Variants in FYB1 observed in about 807,000 individuals in gnomAD.
FYB1 encodes the protein FYN binding protein 1, also known as FYN-binding protein 1.
Under a neutral mutation model 94.1 loss-of-function variants are expected in FYB1, and 41 were observed. The observed-to-expected ratio is 0.44, with a 90% CI of 0.34 to 0.57. FYB1 has a LOEUF of 0.57. Ranked by LOEUF, FYB1 falls within the 20% of genes least tolerant of loss-of-function variation. The pLI is 0.02. For missense variants in FYB1, 1,050 were observed against 976.8 expected, an observed-to-expected ratio of 1.07 and a Z score of -1.00; for synonymous variants, 367 against 353.2, an observed-to-expected ratio of 1.04 and a Z score of -0.44.
In FYB1 at chr5:39,202,894, C is replaced by T. The variant is rs1748496511; in HGVS notation, c.67G>A (p.Val23Ile). Reference sequence around the variant, plus strand: ...CCTGAAGATGAGTTTGGCCCTGTGACTCTGAAGGGTCGGCTATTGACTGAG... The same window carrying T: ...CCTGAAGATGAGTTTGGCCCTGTGATTCTGAAGGGTCGGCTATTGACTGAG... Reference protein sequence around the residue: ...DVSVNSRPFRVTGPNSSSGIQ... With the variant: ...DVSVNSRPFRITGPNSSSGIQ... The change falls in exon 2 of 19, where the codon GTC (valine) becomes ATC (isoleucine). Residue 23 changes from valine to isoleucine, a missense_variant. Physicochemically the swap from Val to Ile is conservative, Grantham distance 29. Coordinates refer to ENST00000512982, the MANE Select transcript of FYB1 (RefSeq NM_001465.6). 1.2e-6 allele frequency: 2 copies of T among 1,613,982 alleles called. No homozygotes were observed. Among genetic ancestry groups the T allele is most frequent in the Non-Finnish European group, 1.7e-6 (2 of 1,179,884 alleles).
chr5:39,105,917 C>T lies in FYB1; in HGVS notation c.*1526G>A, dbSNP rs1760349946. 6.6e-6 allele frequency: 1 copy of T among 152,062 alleles called. No homozygotes were observed. Among genetic ancestry groups the T allele is most frequent in the Non-Finnish European group, 1.5e-5 (1 of 68,010 alleles). 9.4% of individuals were successfully genotyped at this position (152,062 alleles called of 1,614,324 possible). ...CCAGTGGAAGTTGATGATTTGTTAT[C>T]AAATTTCAAAGCACCTAATGGAAAC... is the stretch of plus-strand genomic sequence containing the variant. On this transcript the variant is annotated 3_prime_UTR_variant, in exon 19 of 19. Coordinates refer to ENST00000512982, the MANE Select transcript of FYB1 (RefSeq NM_001465.6).
chr5:39,137,945 C>G (rs1039246776), intron 6 of FYB1: 2 of 525,414 alleles, frequency 3.8e-6, no homozygotes, highest in African/African-American at 3.9e-5. Flanking sequence ...TCCCTGACAA[C>G]TTGTGCCAGC....
chr5:39,139,461 A>T (rs1307543553), intron 4 of FYB1: 2 of 359,908 alleles, frequency 5.6e-6, no homozygotes, highest in Non-Finnish European at 9.6e-6. Flanking sequence ...TTATAAAATC[A>T]TTTCATTGGC....
intron 1 of FYB1, among the ~76,000 whole-genome samples, chr5:39,226,071 G>A (rs1323178920): frequency 6.6e-6 from 1 of 152,104 alleles, no homozygotes; most frequent in Non-Finnish European, 1.5e-5. Flanking sequence ...CCACATAAGA[G>A]ACATTTTCCC....
At chr5:39,260,529 C>T (rs560212465) in intron 1 of FYB1, among the ~76,000 whole-genome samples, 18 of 152,128 alleles carry the variant, frequency 1.2e-4, no homozygotes, top group African/African-American at 4.3e-4. Context: ...ATAGTAAAAG[C>T]TCAGAACATA....
chr5:39,144,270 T>C (rs1035419427), intron 3 of FYB1, among the ~76,000 whole-genome samples: 2 of 152,124 alleles, frequency 1.3e-5, no homozygotes, highest in African/African-American at 2.4e-5. Context: ...ACATTATTAG[T>C]TCCCGATAAA....
At chr5:39,243,392 T>C (rs1398441999) in intron 1 of FYB1, among the ~76,000 whole-genome samples, 1 of 151,590 alleles carries the variant, frequency 6.6e-6, no homozygotes, top group Non-Finnish European at 1.5e-5. Context: ...ATTTATTAAA[T>C]AGGGAATGCT....
chr5:39,248,939 C>T lies in FYB1; in HGVS notation c.-28+25464G>A, dbSNP rs142577341. On this transcript the variant is annotated intron_variant, in intron 1 of 1. Transcript: ENST00000510188. ...ACTGTCCAATGTGGTAGCCATTAGC[C>T]ACATGTAGCTATTTAAGTTTAAATT... Among the ~76,000 whole-genome samples the T allele has an allele frequency of 7.3e-3, 1,112 of 152,272 alleles. 10 individuals are homozygous for T. The highest frequency in any genetic ancestry group is 0.012 in the Non-Finnish European group (805 of 68,014).
At chr5:39,255,720 A>C (rs995004424) in intron 1 of FYB1, among the ~76,000 whole-genome samples, 34 of 152,200 alleles carry the variant, frequency 2.2e-4, no homozygotes, top group African/African-American at 7.7e-4. Flanking sequence ...AAGGGAAACT[A>C]TCTGAACTGC....
intron 2 of FYB1, among the ~76,000 whole-genome samples, chr5:39,178,380 C>T (rs777526499): frequency 6.6e-6 from 1 of 152,126 alleles, no homozygotes; most frequent in Non-Finnish European, 1.5e-5. Flanking sequence ...GTACTGTATG[C>T]CCTACAGTTT....
rs1731154063 is a variant in FYB1, at chr5:39,107,285, C to CAAACTTTA, written c.*150_*157dup. ...AAGCAGAGAGATTATTTTCTATGTT[C>CAAACTTTA]AAACTTTAAACACTTTGTAAAGATA... On this transcript the variant is annotated 3_prime_UTR_variant, in exon 19 of 19. Coordinates refer to ENST00000512982, the MANE Select transcript of FYB1 (RefSeq NM_001465.6). 1 of 444,288 alleles carries CAAACTTTA rather than the reference C, an allele frequency of 2.3e-6. No homozygotes were observed. Among genetic ancestry groups the CAAACTTTA allele is most frequent in the Admixed American group, 4.3e-5 (1 of 23,206 alleles). 27.5% of individuals were successfully genotyped at this position (444,288 alleles called of 1,614,324 possible).
chr5:39,137,856 C>T (rs1345478097), intron 6 of FYB1, 136 bp from the exon 7 acceptor site: 1 of 1,123,896 alleles, frequency 8.9e-7, no homozygotes, highest in African/African-American at 1.6e-5. Context: ...GAAAGGTTGT[C>T]AAAATCCGGA....
At chr5:39,170,723 G>T (rs757223610) in intron 2 of FYB1, among the ~76,000 whole-genome samples, 1 of 152,094 alleles carries the variant, frequency 6.6e-6, no homozygotes, top group Non-Finnish European at 1.5e-5. Flanking sequence ...TCTTCATTAT[G>T]GCTCCAATTT....
chr5:39,222,424 T>C (rs1750307865), upstream of FYB1, among the ~76,000 whole-genome samples: 1 of 152,222 alleles, frequency 6.6e-6, no homozygotes, highest in Non-Finnish European at 1.5e-5. Flanking sequence ...GGACTCTTGC[T>C]CTTTTTTAAT....
rs182210024 is a variant in FYB1, at chr5:39,230,903, A to G, written c.-27-27916T>C. Among the ~76,000 whole-genome samples, 79 of 151,968 alleles carry G rather than the reference A, an allele frequency of 5.2e-4. 1 individual carries two copies. Among genetic ancestry groups the G allele is most frequent in the Middle Eastern group, 3.4e-3 (1 of 294 alleles). On this transcript the variant is annotated intron_variant, in intron 1 of 1. Coordinates refer to the FYB1 transcript ENST00000510188. ...CATATATATACACATACATGTATATATATTAGTAGAGTGAATGGAATGACT... is the reference window on the plus strand; with the variant it reads ...CATATATATACACATACATGTATATGTATTAGTAGAGTGAATGGAATGACT...
intron 1 of FYB1, among the ~76,000 whole-genome samples, chr5:39,247,407 G>C (rs28523355): frequency 0.17 from 25,527 of 151,700 alleles, 5,744 homozygotes; most frequent in African/African-American, 0.5. Flanking sequence ...TCTTTAGTAC[G>C]TATGCACAAA....
chr5:39,151,277 T>C (rs1044424896), intron 3 of FYB1, among the ~76,000 whole-genome samples: 1 of 152,184 alleles, frequency 6.6e-6, no homozygotes. Context: ...TAATACCATA[T>C]TCTTTACCTG....
chr5:39,160,945 T>C (rs1344804529), intron 2 of FYB1, among the ~76,000 whole-genome samples: 1 of 152,206 alleles, frequency 6.6e-6, no homozygotes, highest in Non-Finnish European at 1.5e-5. Flanking sequence ...GACATGCTAA[T>C]TGCCACACAT....
chr5:39,167,259 C>G (rs1744823572), intron 2 of FYB1, among the ~76,000 whole-genome samples: 1 of 151,782 alleles, frequency 6.6e-6, no homozygotes, highest in Non-Finnish European at 1.5e-5. Flanking sequence ...GGGTAGTTCT[C>G]TCTCTCTCTC....
Sources: gnomAD v4.1 joint callset for allele counts (sites outside exome capture counted in the v4.1 genomes callset) on GRCh38, gnomAD v4.1.1 for gene constraint, MANE v1.5 for transcripts, NCBI Gene and HGNC (gene_info 2026-07-23, HGNC 2026-07-21) for gene names.